Variants in HDHD2 observed in about 807,000 individuals in gnomAD.
HDHD2 encodes the protein haloacid dehalogenase like hydrolase domain containing 2.
In HDHD2, 26 loss-of-function variants were observed where a neutral mutation model predicts 24.8. The ratio of observed to expected loss-of-function variants is 1.05; its 90% CI spans 0.77 to 1.45. The LOEUF (loss-of-function observed/expected upper bound fraction) is 1.45, where lower values mean the gene tolerates loss of function less well. HDHD2 is among the 40% of genes most tolerant of loss of function. HDHD2 has a pLI of 0.00. For synonymous variants in HDHD2, 128 were observed against 114.9 expected (o/e 1.11, Z -0.73); for missense variants, 299 against 313.4 (o/e 0.95, Z 0.35).
chr18:47,130,397 G>T, intron 3 of HDHD2, 69 bp from the exon 4 acceptor site: 1 of 1,040,894 alleles, frequency 9.6e-7, no homozygotes, highest in Non-Finnish European at 1.4e-6. Flanking sequence ...TAAAAAAGTA[G>T]TCTTAGTCAA....
intron 1 of HDHD2, among the ~76,000 whole-genome samples, chr18:47,148,151 C>T (rs1243724765): frequency 6.6e-6 from 1 of 152,076 alleles, no homozygotes; most frequent in African/African-American, 2.4e-5. Context: ...CCACCACGCC[C>T]ACCTAATTTT....
intron 5 of HDHD2, among the ~76,000 whole-genome samples, chr18:47,113,457 G>C (rs2063532436): frequency 6.6e-6 from 1 of 152,186 alleles, no homozygotes; most frequent in South Asian, 2.1e-4. Flanking sequence ...GGCCCACATA[G>C]TATGTTATCC....
chr18:47,144,799 CAA>C (rs200234127), intron 1 of HDHD2, among the ~76,000 whole-genome samples: 21 of 61,212 alleles, frequency 3.4e-4, no homozygotes, highest in Non-Finnish European at 4.9e-4. Flanking sequence ...GACCCTGTCT[CAA>C]AAAAAAAAAA....
In HDHD2 at chr18:47,113,010, CT is replaced by C; in HGVS notation, c.642del (p.Asp215MetfsTer8). ...DDCRDDVGGAQDVGMLGILVK... is the reference protein window; with the variant it reads ...DDCRDDVGGAXDVGMLGILVK... ...ACTAAGATGCCCAGCATGCCGACAT[CT>C]TGAGCCCCACCAACATCATCCCTGC... On this transcript the variant is annotated frameshift_variant, in exon 6 of 7. Coordinates refer to ENST00000300605, the MANE Select transcript of HDHD2 (RefSeq NM_032124.5). LOFTEE classifies it high-confidence loss of function. 6.2e-7 allele frequency: 1 copy of C among 1,614,160 alleles called. No individual in the cohort carries two copies. The highest frequency in any genetic ancestry group is 8.5e-7 in the Non-Finnish European group (1 of 1,179,996).
At chr18:47,140,462 G>C (rs140399620) in intron 1 of HDHD2, among the ~76,000 whole-genome samples, 1 of 152,098 alleles carries the variant, frequency 6.6e-6, no homozygotes, top group African/African-American at 2.4e-5. Flanking sequence ...TGGTGTTGGT[G>C]TATTAAAATA....
chr18:47,132,992 G>T (rs746852691), intron 3 of HDHD2, among the ~76,000 whole-genome samples: 26 of 151,964 alleles, frequency 1.7e-4, no homozygotes, highest in Non-Finnish European at 3.5e-4. Flanking sequence ...ACCTGTGTTC[G>T]TTTTTTTATT....
chr18:47,147,391 T>C (rs2063882429), intron 1 of HDHD2, among the ~76,000 whole-genome samples: 1 of 152,190 alleles, frequency 6.6e-6, no homozygotes, highest in Non-Finnish European at 1.5e-5. Context: ...ATTACCTCCC[T>C]GAGACAGAAA....
chr18:47,126,294 G>A (rs543202479), intron 4 of HDHD2, among the ~76,000 whole-genome samples: 11 of 152,256 alleles, frequency 7.2e-5, no homozygotes, highest in Admixed American at 3.3e-4. Context: ...AGGAGTTAGC[G>A]TACAAATGCA....
chr18:47,145,190 A>G (rs933996382), intron 1 of HDHD2, among the ~76,000 whole-genome samples: 2 of 152,250 alleles, frequency 1.3e-5, no homozygotes, highest in Non-Finnish European at 2.9e-5. Context: ...CTTTCAAAGG[A>G]GCAACATTTA....
intron 4 of HDHD2, among the ~76,000 whole-genome samples, chr18:47,116,342 T>A (rs1226752314): frequency 6.6e-6 from 1 of 152,240 alleles, no homozygotes; most frequent in African/African-American, 2.4e-5. Flanking sequence ...TTAAAATATT[T>A]AGTATGTCCA....
intron 6 of HDHD2, chr18:47,110,428 C>T (rs906770335): frequency 3.0e-6 from 3 of 985,160 alleles, no homozygotes; most frequent in African/African-American, 3.5e-5. Context: ...AACTCCTTCA[C>T]AAGGTTTCTA....
intron 4 of HDHD2, among the ~76,000 whole-genome samples, chr18:47,129,676 T>C (rs1029170723): frequency 2.6e-5 from 4 of 152,218 alleles, no homozygotes; most frequent in Admixed American, 2.0e-4. Context: ...GGATTCTCAC[T>C]GGAGGTAGAA....
chr18:47,127,550 T>C (rs1303980532), intron 4 of HDHD2, among the ~76,000 whole-genome samples: 2 of 152,152 alleles, frequency 1.3e-5, no homozygotes, highest in Non-Finnish European at 2.9e-5. Flanking sequence ...CAGGTTGGAT[T>C]ATAAGTGACT....
At chr18:47,111,889 TTA>T (rs2063518807) in intron 6 of HDHD2, 1 of 735,118 alleles carries the variant, frequency 1.4e-6, no homozygotes, top group Middle Eastern at 7.0e-4. Flanking sequence ...TTCTTTGACT[TTA>T]TGTTTAAATA....
intron 4 of HDHD2, among the ~76,000 whole-genome samples, chr18:47,123,137 T>C (rs1253045270): frequency 6.6e-6 from 1 of 152,188 alleles, no homozygotes; most frequent in Non-Finnish European, 1.5e-5. Flanking sequence ...TTGTCTACAA[T>C]TGTCTATATA....
At chr18:47,119,018 A>G (rs1201973290) in intron 4 of HDHD2, among the ~76,000 whole-genome samples, 1 of 152,236 alleles carries the variant, frequency 6.6e-6, no homozygotes, top group Non-Finnish European at 1.5e-5. Flanking sequence ...AGTGTGCAAC[A>G]GCATTGTGTC....
In HDHD2 at chr18:47,116,727, TCTC is replaced by T. The variant is rs1286302301; in HGVS notation, c.396-1382_396-1380del. 4.6e-5 allele frequency among the ~76,000 whole-genome samples: 7 copies of T among 152,114 alleles called. No homozygotes were observed. The East Asian group carries it at 1.3e-3, about 29-fold the overall frequency. ...ACTAACGGGTGACTTATCTATCTCT[TCTC>T]CTGTCACCCCACCCCCAAGCCCACT... On this transcript the variant is annotated intron_variant, in intron 4 of 6. Coordinates refer to ENST00000300605, the MANE Select transcript of HDHD2 (RefSeq NM_032124.5).
At chr18:47,138,699 A>G (rs2063791198) in intron 1 of HDHD2, among the ~76,000 whole-genome samples, 1 of 152,218 alleles carries the variant, frequency 6.6e-6, no homozygotes, top group Non-Finnish European at 1.5e-5. Context: ...TTCCTGGCTC[A>G]TAACTCCCAT....
intron 1 of HDHD2, chr18:47,136,981 T>C (rs2063772807): frequency 5.2e-6 from 3 of 575,538 alleles, no homozygotes; most frequent in East Asian, 6.5e-5. Context: ...GGTACCTCTT[T>C]TGTGAAGTGG....
Sources: gnomAD v4.1 joint callset for allele counts (sites outside exome capture counted in the v4.1 genomes callset) on GRCh38, gnomAD v4.1.1 for gene constraint, MANE v1.5 for transcripts, NCBI Gene and HGNC (gene_info 2026-07-23, HGNC 2026-07-21) for gene names.